Variants in FMO4 observed in about 807,000 individuals in gnomAD.
FMO4 encodes the protein dimethylaniline monooxygenase [N-oxide-forming] 4.
A neutral mutation model predicts 43.3 loss-of-function variants in FMO4; 38 were observed. That is an observed-to-expected ratio of 0.88 (90% CI 0.68 to 1.15). The LOEUF is 1.15. FMO4 is among the 50% of genes most tolerant of loss of function. FMO4 has a pLI of 0.00. For missense variants in FMO4, 631 were observed against 663.3 expected (o/e 0.95, Z 0.54); for synonymous variants, 224 against 232.2 (o/e 0.96, Z 0.32).
At chr1:171,317,293 G>A (rs1389333135) in intron 2 of FMO4, among the ~76,000 whole-genome samples, 1 of 152,174 alleles carries the variant, frequency 6.6e-6, no homozygotes, top group Non-Finnish European at 1.5e-5. Context: ...TCACACAGGG[G>A]TTATACAGCT....
intron 3 of FMO4, among the ~76,000 whole-genome samples, chr1:171,320,895 G>C (rs1220209670): frequency 6.6e-6 from 1 of 152,144 alleles, no homozygotes; most frequent in South Asian, 2.1e-4. Context: ...GGGAAAAGAA[G>C]AGTGGCATTC....
intron 9 of FMO4, among the ~76,000 whole-genome samples, chr1:171,339,503 C>T (rs1477867541): frequency 6.6e-6 from 1 of 152,154 alleles, no homozygotes; most frequent in African/African-American, 2.4e-5. Flanking sequence ...GAGAACATCC[C>T]AGCGAAGATC....
At chr1:171,338,016 C>T (rs7541966) in intron 9 of FMO4, among the ~76,000 whole-genome samples, 21,049 of 152,060 alleles carry the variant, frequency 0.14, 1,513 homozygotes, top group South Asian at 0.2. Flanking sequence ...AAAATGAACT[C>T]TTGACCCCCT....
chr1:171,324,616 A>C (rs975442697), intron 5 of FMO4, among the ~76,000 whole-genome samples: 1 of 152,208 alleles, frequency 6.6e-6, no homozygotes, highest in African/African-American at 2.4e-5. Flanking sequence ...TTTAGGGATT[A>C]AATTACAGGT....
At chr1:171,320,167 T>A (rs1662353306) in intron 3 of FMO4, among the ~76,000 whole-genome samples, 1 of 152,152 alleles carries the variant, frequency 6.6e-6, no homozygotes, top group African/African-American at 2.4e-5. Flanking sequence ...CAGGGACAGT[T>A]GGAAGAGAGA....
intron 1 of FMO4, among the ~76,000 whole-genome samples, chr1:171,314,910 C>A (rs1410017088): frequency 2.6e-5 from 4 of 152,156 alleles, no homozygotes; most frequent in Non-Finnish European, 4.4e-5. Context: ...CCTACATTTG[C>A]TGGTCAGTCA....
In FMO4 at chr1:171,336,715, C is replaced by T. The variant is rs1240774250; in HGVS notation, c.1181-641C>T. 2.0e-5 allele frequency among the ~76,000 whole-genome samples: 3 copies of T among 152,080 alleles called. No individual in the cohort carries two copies. In the East Asian group the frequency reaches 5.8e-4, roughly 29 times the overall value. On this transcript the variant is annotated intron_variant, in intron 8 of 9. Transcript: ENST00000367749. ...ATCTCCTGGGCTCAAGGGATTCTCCCACCTCAGCCTCCTGAGTAGCTGGAA... is the reference window on the plus strand; with the variant it reads ...ATCTCCTGGGCTCAAGGGATTCTCCTACCTCAGCCTCCTGAGTAGCTGGAA...
rs140806965 is a variant in FMO4 at position 171,327,197 on chromosome 1, G to A, written c.484+2897G>A. Among the ~76,000 whole-genome samples, 60 of 152,240 alleles carry A rather than the reference G, an allele frequency of 3.9e-4. 1 individual carries two copies. Among genetic ancestry groups the A allele is most frequent in the Admixed American group, 1.1e-3 (17 of 15,288 alleles). ...GTTCCCACTTCTTGGAAACTTCTTC[G>A]TGCTCCCCTTTTCCAATTTCTAATC... On this transcript the variant is annotated intron_variant, in intron 5 of 9. Coordinates refer to ENST00000367749, the MANE Select transcript of FMO4 (RefSeq NM_002022.3).
rs1663394099 is a variant in FMO4, at chr1:171,341,916, C to G, written c.*77C>G. On this transcript the variant is annotated 3_prime_UTR_variant, in exon 10 of 10. Transcript: ENST00000367749. ...ATCTTGTGCATCCCTCCTCTGCTCT[C>G]CATCATAACTGCTATTAGCCAAATT... 2 of 1,182,462 alleles carry G rather than the reference C, an allele frequency of 1.7e-6. No homozygotes were observed. Among genetic ancestry groups the G allele is most frequent in the African/African-American group, 1.5e-5 (1 of 65,538 alleles). 73.2% of individuals were successfully genotyped at this position (1,182,462 alleles called of 1,614,324 possible).
rs1169610904 is a variant in FMO4, at chr1:171,324,185, T to G, written c.369T>G (p.Gly123=). 1 of 1,613,716 alleles carries G rather than the reference T, an allele frequency of 6.2e-7. No homozygotes were observed. The change falls in exon 5 of 10, where the codon GGT becomes GGG. Residue 123 remains glycine, a synonymous_variant. Transcript: ENST00000367749. The stretch of plus-strand genomic sequence containing the variant: ...AGCGTCCAGACTTCTCCGAAACTGG[T>G]CAGTGGGATGTTGTCACAGAGACAG... ...ITKRPDFSET[G]QWDVVTETEG... is the part of the protein sequence containing the mutation.
rs184603823 is a variant in FMO4, at chr1:171,319,961, C to T, written c.132+4C>T. The T allele has an allele frequency of 2.5e-4, 404 of 1,613,598 alleles. 1 individual carries two copies. The Middle Eastern group carries it at 3.3e-3, about 13-fold the overall frequency. On this transcript the variant is annotated splice_donor_region_variant and intron_variant, in intron 3 of 9. Transcript: ENST00000367749. Reference sequence around the variant, plus strand: ...TGGGGGATTATGGAAGTTTACTGTACGTGGTTCATCTCTATCAGTCATGAT... The same window carrying T: ...TGGGGGATTATGGAAGTTTACTGTATGTGGTTCATCTCTATCAGTCATGAT...
chr1:171,314,645 G>A (rs542123104), intron 1 of FMO4, among the ~76,000 whole-genome samples: 10 of 152,276 alleles, frequency 6.6e-5, no homozygotes, highest in African/African-American at 2.2e-4. Context: ...GAAAGTGTCA[G>A]TGAGATAAAC....
chr1:171,321,850 A>C (rs896849422), intron 3 of FMO4, among the ~76,000 whole-genome samples: 3 of 152,176 alleles, frequency 2.0e-5, no homozygotes, highest in Admixed American at 6.5e-5. Context: ...AGTGTCATCA[A>C]GTTCGTGGTA....
intron 5 of FMO4, among the ~76,000 whole-genome samples, chr1:171,327,223 A>G (rs1255451934): frequency 6.6e-6 from 1 of 152,144 alleles, no homozygotes; most frequent in African/African-American, 2.4e-5. Flanking sequence ...ATTTCTAATC[A>G]TCCTTTAACA....
intron 7 of FMO4, among the ~76,000 whole-genome samples, chr1:171,333,712 C>T (rs16864410): frequency 0.021 from 3,211 of 152,004 alleles, 117 homozygotes; most frequent in African/African-American, 0.073. Flanking sequence ...TTGAGATGTC[C>T]TTCAACTTAT....
At position 171,314,359 on chromosome 1, in the gene FMO4, TTCCTTGACTTTGAGAA is replaced by T. The variant is rs1662114259; in HGVS notation, c.-204_-189del. 1 of 152,156 alleles carries T rather than the reference TTCCTTGACTTTGAGAA, an allele frequency of 6.6e-6. No homozygotes were observed. Among genetic ancestry groups the T allele is most frequent in the Non-Finnish European group, 1.5e-5 (1 of 68,032 alleles). 9.4% of individuals were successfully genotyped at this position (152,156 alleles called of 1,614,324 possible). A position where few individuals can be genotyped will look rare whatever the true frequency, so the allele number is the denominator to read the frequency against. On this transcript the variant is annotated 5_prime_UTR_variant, in exon 1 of 10. Coordinates refer to ENST00000367749, the MANE Select transcript of FMO4 (RefSeq NM_002022.3). ...TTTTTAAAAAAAAAAGACAAACACT[TTCCTTGACTTTGAGAA>T]ATAATTTAAGTCAAAGAATCTGCTC...
intron 3 of FMO4, 106 bp downstream of exon 3, chr1:171,320,063 T>C (rs1662347210): frequency 1.7e-6 from 2 of 1,208,888 alleles, no homozygotes; most frequent in African/African-American, 3.0e-5. Context: ...AGTGGCTTAC[T>C]GCAACGGCAC....
At chr1:171,332,932 GA>G (rs1662964020) in intron 7 of FMO4, 24 bp downstream of exon 7, 1 of 996,072 alleles carries the variant, frequency 1.0e-6, no homozygotes, top group Non-Finnish European at 1.6e-6. Flanking sequence ...TTATTTAGTA[GA>G]AAAAATATTA....
rs1206104511 is a variant in FMO4 at position 171,331,764 on chromosome 1, C to A, written c.609C>A (p.Leu203=). 1.2e-6 allele frequency: 2 copies of A among 1,613,878 alleles called. No individual in the cohort carries two copies. Among genetic ancestry groups the A allele is most frequent in the Non-Finnish European group, 1.7e-6 (2 of 1,179,814 alleles). ...GNTGGDIAVE[L]SRTAAQVLLS... ...CTGGAGGAGACATTGCTGTGGAACT[C>A]AGTCGAACGGCAGCTCAGGTACATC... The change falls in exon 6 of 10, where the codon CTC becomes CTA. Residue 203 remains leucine, a synonymous_variant. Transcript: ENST00000367749.
Sources: allele counts gnomAD v4.1 joint callset (sites outside exome capture counted in the v4.1 genomes callset), GRCh38; gene constraint gnomAD v4.1.1; transcripts MANE v1.5; gene names NCBI Gene and HGNC (gene_info 2026-07-23, HGNC 2026-07-21).